ZC3H7B: variants seen among roughly 807,000 people sequenced by gnomAD.
The protein encoded by ZC3H7B is zinc finger CCCH domain-containing protein 7B.
Under a neutral mutation model 116.0 loss-of-function variants are expected in ZC3H7B, and 35 were observed. The observed-to-expected ratio is 0.30, with a 90% confidence interval of 0.23 to 0.40. The LOEUF is 0.40. ZC3H7B is among the 10% of genes least tolerant of loss of function. The pLI is 1.00. For synonymous variants in ZC3H7B, 502 were observed against 545.6 expected (o/e 0.92, Z 1.11); for missense variants, 1,011 against 1,321.5 (o/e 0.77, Z 3.64).
chr22:41,302,302 C>T lies in ZC3H7B; in HGVS notation c.-7+530C>T, dbSNP rs2035977753. Among the ~76,000 whole-genome samples the T allele has an allele frequency of 1.3e-5, 2 of 151,706 alleles. No individual in the cohort carries two copies. The highest frequency in any genetic ancestry group is 2.0e-4 in the East Asian group (1 of 5,116). Reference sequence around the variant, plus strand: ...CGGGGAGCGGGGCCGCCCGACGGGCCGCCCCTTTCGGCTGCGGCGGCCACG... The same window carrying T: ...CGGGGAGCGGGGCCGCCCGACGGGCTGCCCCTTTCGGCTGCGGCGGCCACG... On this transcript the variant is annotated intron_variant, in intron 1 of 22. Coordinates refer to ENST00000352645, the MANE Select transcript of ZC3H7B (RefSeq NM_017590.6). This position sits in a 1 kb window ranked among gnomAD's most constrained non-coding sequence, Gnocchi z 5.7.
intron 1 of ZC3H7B, among the ~76,000 whole-genome samples, chr22:41,314,583 G>A (rs1307255003): frequency 2.6e-5 from 4 of 151,378 alleles, no homozygotes; most frequent in Non-Finnish European, 5.9e-5. Context: ...CACCATGTGC[G>A]GCCCATAATC....
chr22:41,356,846 T>C (rs1601799989), intron 22 of ZC3H7B, 38 bp downstream of exon 22: 1 of 1,610,530 alleles, frequency 6.2e-7, no homozygotes, highest in Non-Finnish European at 8.5e-7. Flanking sequence ...GGACATGGGG[T>C]GGCCCGAGGA....
chr22:41,352,411 C>T (rs1286634490), intron 17 of ZC3H7B, among the ~76,000 whole-genome samples: 1 of 152,140 alleles, frequency 6.6e-6, no homozygotes, highest in East Asian at 1.9e-4. Flanking sequence ...TAGAGCTTTC[C>T]TCTTTGTAAT....
At chr22:41,336,686 A>G (rs1256337008) in intron 7 of ZC3H7B, 2 of 151,876 alleles carry the variant, frequency 1.3e-5, no homozygotes, top group African/African-American at 4.8e-5. Flanking sequence ...ATATATATAT[A>G]TTCAAAAATT....
intron 1 of ZC3H7B, among the ~76,000 whole-genome samples, chr22:41,320,020 G>T (rs1354821990): frequency 7.3e-6 from 1 of 137,030 alleles, no homozygotes; most frequent in African/African-American, 2.9e-5. Flanking sequence ...AATAGAGCGA[G>T]ACTCCATCTC....
chr22:41,357,465 AG>A lies in ZC3H7B; in HGVS notation c.*41del. ...TGGCCGTGGGTGAAGTCCTGGGGTC[AG>A]GGGGTGGGGTGGGGCCAGAAGGCCT... On this transcript the variant is annotated 3_prime_UTR_variant, in exon 23 of 23. Coordinates refer to ENST00000352645, the MANE Select transcript of ZC3H7B (RefSeq NM_017590.6). This position sits in a 1 kb window ranked among gnomAD's most constrained non-coding sequence, Gnocchi z 5.4. The A allele has an allele frequency of 1.0e-6, 1 of 972,784 alleles. No homozygotes were observed. The highest frequency in any genetic ancestry group is 1.4e-6 in the Non-Finnish European group (1 of 722,088). The allele number at this position is 972,784 out of a possible 1,614,324, so 60.3% of individuals were successfully genotyped here.
At chr22:41,339,234 C>T in intron 9 of ZC3H7B, 43 bp downstream of exon 9, 1 of 1,552,422 alleles carries the variant, frequency 6.4e-7, no homozygotes, top group South Asian at 1.2e-5. Context: ...ATCCCCTCTC[C>T]CCGCTGTGTC....
At chr22:41,342,713 A>G (rs2036537880) in intron 12 of ZC3H7B, 85 bp downstream of exon 12, 9 of 1,317,438 alleles carry the variant, frequency 6.8e-6, no homozygotes, top group Non-Finnish European at 9.4e-6. Context: ...AAAGAATCCC[A>G]GTGTCTCAGT....
At chr22:41,328,661 C>T (rs1190695356) in intron 5 of ZC3H7B, among the ~76,000 whole-genome samples, 4 of 152,122 alleles carry the variant, frequency 2.6e-5, no homozygotes, top group African/African-American at 9.7e-5. Flanking sequence ...TTGCTTGGCA[C>T]GTAGTGTATG....
At chr22:41,312,591 AAAAT>A (rs2036132714) in intron 1 of ZC3H7B, among the ~76,000 whole-genome samples, 1 of 151,910 alleles carries the variant, frequency 6.6e-6, no homozygotes, top group African/African-American at 2.4e-5. Context: ...CCCTGCCTCT[AAAAT>A]AATAATAATA....
intron 1 of ZC3H7B, among the ~76,000 whole-genome samples, chr22:41,319,294 A>G (rs552568922): frequency 5.9e-5 from 9 of 152,266 alleles, no homozygotes; most frequent in South Asian, 2.1e-4. Context: ...CTAGCTACTC[A>G]GGAGGCTGAG....
At chr22:41,314,855 G>T (rs977805250) in intron 1 of ZC3H7B, among the ~76,000 whole-genome samples, 1 of 140,076 alleles carries the variant, frequency 7.1e-6, no homozygotes, top group Non-Finnish European at 1.6e-5. Context: ...TGATCTGCCC[G>T]CATCGGCCTC....
intron 2 of ZC3H7B, among the ~76,000 whole-genome samples, chr22:41,324,098 A>G (rs2036290085): frequency 6.6e-6 from 1 of 152,014 alleles, no homozygotes; most frequent in Non-Finnish European, 1.5e-5. Flanking sequence ...TTAGGACCGC[A>G]TGACCTATGA....
intron 13 of ZC3H7B, among the ~76,000 whole-genome samples, chr22:41,344,493 A>G (rs998534241): frequency 6.6e-6 from 1 of 152,088 alleles, no homozygotes; most frequent in Admixed American, 6.6e-5. Flanking sequence ...ATTCCGTCAC[A>G]CACGCTGTGC....
intron 2 of ZC3H7B, 127 bp from the exon 3 acceptor site, chr22:41,325,437 A>G (rs945228930): frequency 1.6e-6 from 2 of 1,282,376 alleles, no homozygotes; most frequent in African/African-American, 3.0e-5. Flanking sequence ...AGGAGAAGAA[A>G]ACCGCAGTCT....
intron 15 of ZC3H7B, 61 bp downstream of exon 15, chr22:41,348,228 G>T: frequency 1.4e-6 from 2 of 1,441,008 alleles, no homozygotes; most frequent in Non-Finnish European, 2.0e-6. Flanking sequence ...CCCTCAGGCA[G>T]CTCAGATGGC....
Position 41,340,126 on chromosome 22 carries a change from A to C in ZC3H7B, c.1127A>C (p.Asp376Ala). The change falls in exon 10 of 23, where the codon GAC (aspartate) becomes GCC (alanine). Residue 376 changes from aspartate to alanine, a missense_variant. This residue lies in a region of ZC3H7B where 99 missense variants were observed against 89.5 expected (regional missense o/e 1.11). Coordinates refer to ENST00000352645, the MANE Select transcript of ZC3H7B (RefSeq NM_017590.6). ...GSTRGSLDKPDSFMEETNSQD... is the reference protein window; with the variant it reads ...GSTRGSLDKPASFMEETNSQD... ...ACACGAGGCTCCCTGGACAAACCTG[A>C]CTCCTTCATGGGTAAGGCCATGGGT... 6.2e-7 allele frequency: 1 copy of C among 1,602,714 alleles called. No individual in the cohort carries two copies. Among genetic ancestry groups the C allele is most frequent in the South Asian group, 1.1e-5 (1 of 90,264 alleles).
intron 12 of ZC3H7B, among the ~76,000 whole-genome samples, chr22:41,343,045 C>T (rs1042957229): frequency 2.0e-5 from 3 of 152,090 alleles, no homozygotes; most frequent in African/African-American, 4.8e-5. Context: ...TGGTGGTGCT[C>T]GCTTATAGTC....
At chr22:41,329,031 CAAAAAA>C (rs905189346) in intron 5 of ZC3H7B, among the ~76,000 whole-genome samples, 2 of 40,486 alleles carry the variant, frequency 4.9e-5, no homozygotes, top group Non-Finnish European at 1.1e-4. Context: ...TACTAAAATA[CAAAAAA>C]AAAAAAAAAA....
Sources: gnomAD v4.1 joint callset for allele counts (sites outside exome capture counted in the v4.1 genomes callset) on GRCh38, gnomAD v4.1.1 for gene constraint, gnomAD v4.1.1 regional missense constraint, Gnocchi (gnomAD v3.1) non-coding constraint, MANE v1.5 for transcripts, NCBI Gene and HGNC (gene_info 2026-07-23, HGNC 2026-07-21) for gene names.